Variants in TAF4B observed in about 807,000 individuals in gnomAD.
TAF4B encodes the protein transcription initiation factor TFIID subunit 4B.
TAF4B carries 38 observed loss-of-function variants against 86.4 expected under a neutral mutation model. The ratio of observed to expected loss-of-function variants is 0.44; its 90% CI spans 0.34 to 0.58. TAF4B has a LOEUF of 0.58. TAF4B is among the 20% of genes least tolerant of loss of function. TAF4B has a pLI of 0.02. For missense variants in TAF4B, 988 were observed against 1,027.6 expected (o/e 0.96, Z 0.53); for synonymous variants, 388 against 391.2 (o/e 0.99, Z 0.10).
At chr18:26,375,120 T>C (rs1471090939) in intron 14 of TAF4B, among the ~76,000 whole-genome samples, 1 of 152,194 alleles carries the variant, frequency 6.6e-6, no homozygotes, top group Non-Finnish European at 1.5e-5. Flanking sequence ...TATTTTTCAG[T>C]CTGTAAGGAT....
intron 5 of TAF4B, among the ~76,000 whole-genome samples, chr18:26,276,364 A>G (rs942672072): frequency 6.6e-6 from 1 of 152,214 alleles, no homozygotes; most frequent in Non-Finnish European, 1.5e-5. Context: ...ATTTCATATT[A>G]TATGCTTAAG....
At chr18:26,376,195 C>A (rs764728037) in intron 14 of TAF4B, among the ~76,000 whole-genome samples, 1 of 146,372 alleles carries the variant, frequency 6.8e-6, no homozygotes, top group East Asian at 2.0e-4. Flanking sequence ...TATTTTCATG[C>A]GTATTTTAGG....
intron 9 of TAF4B, among the ~76,000 whole-genome samples, chr18:26,306,554 C>T (rs2056796786): frequency 6.6e-6 from 1 of 152,138 alleles, no homozygotes; most frequent in African/African-American, 2.4e-5. Context: ...TCATAATAGG[C>T]ATTCAAATAT....
chr18:26,290,141 T>A (rs1012842303), intron 7 of TAF4B, among the ~76,000 whole-genome samples: 1 of 152,170 alleles, frequency 6.6e-6, no homozygotes, highest in African/African-American at 2.4e-5. Context: ...AAAGTTTTTT[T>A]ATTTTTAATT....
intron 1 of TAF4B, among the ~76,000 whole-genome samples, chr18:26,246,878 T>C (rs1360838089): frequency 6.6e-6 from 1 of 150,690 alleles, no homozygotes; most frequent in African/African-American, 2.4e-5. Context: ...GAGATATAGT[T>C]TCACTCTTGT....
rs797012346 is a variant in TAF4B, at chr18:26,264,789, CT to C, written c.344-377del. Among the ~76,000 whole-genome samples, 39 of 152,304 alleles carry C rather than the reference CT, an allele frequency of 2.6e-4. 1 individual carries two copies. The highest frequency in any genetic ancestry group is 8.9e-4 in the African/African-American group (37 of 41,566). On this transcript the variant is annotated intron_variant, in intron 1 of 14. Transcript: ENST00000269142. ...TCCTTTCCTCATAAGTCTACAGAGCCTTTTAGGAAAATGTGATATGATATAT... is the reference window on the plus strand; with the variant it reads ...TCCTTTCCTCATAAGTCTACAGAGCCTTTAGGAAAATGTGATATGATATAT...
chr18:26,230,867 A>G (rs1228519796), intron 1 of TAF4B, among the ~76,000 whole-genome samples: 1 of 152,084 alleles, frequency 6.6e-6, no homozygotes, highest in Non-Finnish European at 1.5e-5. Context: ...AGGGGGCAAT[A>G]GGGCTGCAGC....
intron 14 of TAF4B, among the ~76,000 whole-genome samples, chr18:26,384,888 GACA>G (rs778639810): frequency 2.0e-5 from 3 of 152,208 alleles, no homozygotes; most frequent in South Asian, 2.1e-4. Flanking sequence ...CTATGGAGGA[GACA>G]ACGAGTGTTT....
At chr18:26,265,606 A>G (rs765034798) in intron 2 of TAF4B, among the ~76,000 whole-genome samples, 3 of 152,088 alleles carry the variant, frequency 2.0e-5, no homozygotes, top group Non-Finnish European at 4.4e-5. Flanking sequence ...AGGCTGGAGT[A>G]CAATTGCGTG....
chr18:26,323,051 TTTG>T (rs1431881199), intron 11 of TAF4B, among the ~76,000 whole-genome samples: 2 of 152,192 alleles, frequency 1.3e-5, no homozygotes, highest in South Asian at 2.1e-4. Flanking sequence ...CAGTTTTCCT[TTTG>T]TTGTTGGTTT....
rs959653609 is a variant in TAF4B, at chr18:26,260,465, A to G, written c.344-4705A>G. The stretch of plus-strand genomic sequence containing the variant: ...TCTTAAATTAAGTTTTGTATAAGGT[A>G]TAAGGAAGGGATCCAGTTTCAGCTT... On this transcript the variant is annotated intron_variant, in intron 1 of 14. Transcript: ENST00000269142. 1.2e-4 allele frequency among the ~76,000 whole-genome samples: 18 copies of G among 152,258 alleles called. No individual in the cohort carries two copies. The East Asian group carries it at 1.5e-3, about 13-fold the overall frequency.
At chr18:26,303,874 T>G (rs1218288600) in intron 9 of TAF4B, among the ~76,000 whole-genome samples, 9 of 152,184 alleles carry the variant, frequency 5.9e-5, no homozygotes, top group Admixed American at 5.9e-4. Context: ...ATGATTTATA[T>G]CTCCATTATA....
At chr18:26,341,603 G>C (rs899371837) in intron 13 of TAF4B, among the ~76,000 whole-genome samples, 4 of 152,108 alleles carry the variant, frequency 2.6e-5, no homozygotes, top group Admixed American at 2.0e-4. Flanking sequence ...GAGTAGGGTT[G>C]ACCAGCAAGG....
intron 1 of TAF4B, among the ~76,000 whole-genome samples, chr18:26,238,216 T>G (rs866729379): frequency 2.0e-5 from 3 of 152,140 alleles, no homozygotes; most frequent in African/African-American, 7.2e-5. Context: ...TCCTAAGCAT[T>G]TTCTCCTGTT....
rs567009116 is a variant in TAF4B at position 26,302,851 on chromosome 18, CT to C, written c.1832+9328del. On this transcript the variant is annotated intron_variant, in intron 9 of 14. Coordinates refer to ENST00000269142, the MANE Select transcript of TAF4B (RefSeq NM_005640.3). ...TATGTCATATATATATGGATCTTCT[CT>C]TTTTTTTAATCTTTCTTTTTTTAAA... 3.0e-3 allele frequency among the ~76,000 whole-genome samples: 459 copies of C among 151,586 alleles called. 1 individual carries two copies. Among genetic ancestry groups the C allele is most frequent in the Non-Finnish European group, 4.9e-3 (334 of 67,828 alleles).
At chr18:26,386,303 G>A (rs9958336) in intron 14 of TAF4B, among the ~76,000 whole-genome samples, 12,832 of 151,266 alleles carry the variant, frequency 0.085, 1,661 homozygotes, top group African/African-American at 0.28. Context: ...CAGATGATTA[G>A]GTCTCTTTAT....
At chr18:26,344,495 T>C (rs1329958678) in intron 13 of TAF4B, among the ~76,000 whole-genome samples, 3 of 152,064 alleles carry the variant, frequency 2.0e-5, no homozygotes, top group Non-Finnish European at 2.9e-5. Flanking sequence ...GAAATAGATA[T>C]TTTCTGGTGA....
At chr18:26,277,890 G>C (rs1417435455) in intron 5 of TAF4B, among the ~76,000 whole-genome samples, 1 of 152,142 alleles carries the variant, frequency 6.6e-6, no homozygotes, top group Non-Finnish European at 1.5e-5. Flanking sequence ...GAAAATTCTT[G>C]TACCAGGAAG....
intron 1 of TAF4B, among the ~76,000 whole-genome samples, chr18:26,260,456 G>T (rs974159669): frequency 6.6e-6 from 1 of 152,164 alleles, no homozygotes; most frequent in Non-Finnish European, 1.5e-5. Context: ...ATTAAGTTTT[G>T]TATAAGGTAT....
Sources: allele counts gnomAD v4.1 joint callset (sites outside exome capture counted in the v4.1 genomes callset), GRCh38; gene constraint gnomAD v4.1.1; transcripts MANE v1.5; gene names NCBI Gene and HGNC (gene_info 2026-07-23, HGNC 2026-07-21).